Variants in ADAM22 observed in about 807,000 individuals in gnomAD.
ADAM22 encodes the protein ADAM metallopeptidase domain 22.
ADAM22 carries 65 observed loss-of-function variants against 144.6 expected under a neutral mutation model. That is an observed-to-expected ratio of 0.45 (90% CI 0.37 to 0.55). The LOEUF is 0.55. Ranked by LOEUF, ADAM22 falls within the 20% of genes least tolerant of loss-of-function variation. The probability of loss-of-function intolerance (pLI) is 0.00; values close to 1 mark genes in which losing one functional copy is unlikely to be tolerated. For missense variants in ADAM22, 974 were observed against 1,184.9 expected, an observed-to-expected ratio of 0.82 and a Z score of 2.61; for synonymous variants, 391 against 412.6, an observed-to-expected ratio of 0.95 and a Z score of 0.63.
intron 4 of ADAM22, among the ~76,000 whole-genome samples, chr7:88,099,934 C>G: frequency 6.6e-6 from 1 of 151,958 alleles, no homozygotes; most frequent in Non-Finnish European, 1.5e-5. Flanking sequence ...AAAAAATGAA[C>G]CTAACCACTA....
chr7:87,969,676 G>A (rs946947860), intron 2 of ADAM22, among the ~76,000 whole-genome samples: 2 of 152,134 alleles, frequency 1.3e-5, no homozygotes, highest in African/African-American at 4.8e-5. Context: ...TATTCCACTG[G>A]TAAATGGAAG....
At chr7:88,113,703 A>AATAAATAAATATGTAT (rs1554478726) in intron 5 of ADAM22, among the ~76,000 whole-genome samples, 1 of 48,106 alleles carries the variant, frequency 2.1e-5, no homozygotes, top group East Asian at 1.4e-3. Context: ...TAAATAAATA[A>AATAAATAAATATGTAT]ATATATATAT....
chr7:88,019,326 T>G (rs1268998217), intron 3 of ADAM22, among the ~76,000 whole-genome samples: 2 of 150,876 alleles, frequency 1.3e-5, no homozygotes, highest in Non-Finnish European at 3.0e-5. Context: ...ATACAAAAAA[T>G]TAGTTGGTCA....
intron 3 of ADAM22, among the ~76,000 whole-genome samples, chr7:88,064,581 T>A (rs1585374981): frequency 6.6e-6 from 1 of 152,138 alleles, no homozygotes; most frequent in Non-Finnish European, 1.5e-5. Context: ...CAGTGTCTGG[T>A]AAGGGGTCAT....
At chr7:88,024,076 C>T (rs1798437111) in intron 3 of ADAM22, among the ~76,000 whole-genome samples, 1 of 152,042 alleles carries the variant, frequency 6.6e-6, no homozygotes, top group Non-Finnish European at 1.5e-5. Context: ...ACCATATTTT[C>T]TTTATCCATT....
chr7:88,003,888 C>T (rs1232367634), intron 3 of ADAM22, among the ~76,000 whole-genome samples: 1 of 152,144 alleles, frequency 6.6e-6, no homozygotes, highest in African/African-American at 2.4e-5. Context: ...CTTGCTCTAC[C>T]GAGTCTCAAG....
rs1471819641 is a variant in ADAM22 at position 88,081,590 on chromosome 7, C to T, written c.390+5898C>T. 5.3e-5 allele frequency among the ~76,000 whole-genome samples: 8 copies of T among 150,046 alleles called. No homozygotes were observed. In the Admixed American group the frequency reaches 5.3e-4, roughly 10 times the overall value. ...ATGACATGATTGTATATCTAGAAAA[C>T]CCCATTGTCTCAGCCCAAAATCTCC... On this transcript the variant is annotated intron_variant, in intron 4 of 31. Transcript: ENST00000413139.
chr7:88,190,219 T>C (rs1160732053), intron 30 of ADAM22, among the ~76,000 whole-genome samples: 1 of 152,144 alleles, frequency 6.6e-6, no homozygotes. Flanking sequence ...GGGTATCCAT[T>C]ATGGTAATTA....
In ADAM22 at chr7:88,199,359, T is replaced by A. The variant is rs1850986856; in HGVS notation, c.*2868T>A. ...TTGATAAGACTACAGATTGGCACCC[T>A]GCTGCCTGAGAAGTTCCATTTATCC... On this transcript the variant is annotated 3_prime_UTR_variant, in exon 32 of 32. Coordinates refer to ENST00000413139, the MANE Select transcript of ADAM22 (RefSeq NM_001324418.2). 2.6e-5 allele frequency: 4 copies of A among 152,354 alleles called. No homozygotes were observed. The South Asian group carries it at 8.3e-4, about 32-fold the overall frequency. The allele number at this position is 152,354 out of a possible 1,614,324, so 9.4% of individuals were successfully genotyped here.
intron 20 of ADAM22, 26 bp downstream of exon 20, chr7:88,151,346 T>C (rs949924466): frequency 3.7e-6 from 6 of 1,612,872 alleles, no homozygotes; most frequent in East Asian, 4.5e-5. Context: ...GGCTTGATCA[T>C]TGTTAAAGCA....
intron 26 of ADAM22, among the ~76,000 whole-genome samples, chr7:88,173,573 AAGC>A (rs2129535198): frequency 6.6e-6 from 1 of 152,198 alleles, no homozygotes; most frequent in South Asian, 2.1e-4. Context: ...CAACAGACCA[AAGC>A]ATGCATTAAA....
At chr7:88,142,412 G>A (rs940582094) in intron 14 of ADAM22, among the ~76,000 whole-genome samples, 4 of 152,086 alleles carry the variant, frequency 2.6e-5, no homozygotes, top group Admixed American at 2.6e-4. Flanking sequence ...TTGGATTCTA[G>A]CTCAGTTTTA....
intron 7 of ADAM22, among the ~76,000 whole-genome samples, chr7:88,117,524 C>T (rs6955696): frequency 0.39 from 59,861 of 151,938 alleles, 13,786 homozygotes; most frequent in East Asian, 0.88. Context: ...ACTTTGCCCT[C>T]CTTAGTGGAG....
At chr7:87,998,637 C>T (rs1367214615) in intron 3 of ADAM22, among the ~76,000 whole-genome samples, 3 of 152,132 alleles carry the variant, frequency 2.0e-5, no homozygotes, top group Non-Finnish European at 4.4e-5. Flanking sequence ...AATCTGCCCA[C>T]GTTGGCCTCC....
At chr7:88,184,284 T>C in intron 29 of ADAM22, 1 of 398,700 alleles carries the variant, frequency 2.5e-6, no homozygotes, top group Non-Finnish European at 4.9e-6. Context: ...TATATTGTGT[T>C]TTTACAGGAG....
chr7:87,966,721 GTTTTT>G lies in ADAM22; in HGVS notation c.247-11588_247-11584del, dbSNP rs71120012. 5.3e-4 allele frequency among the ~76,000 whole-genome samples: 21 copies of G among 39,884 alleles called. No individual in the cohort carries two copies. In the East Asian group the frequency reaches 6.9e-3, roughly 13 times the overall value. The allele number at this position is 39,884 out of a possible 152,430, so 26.2% of individuals were successfully genotyped here. ...GAGTTCATCTTATCCAAGGAAAGCCGTTTTTTTTTTTTTTTTTTTTTTTTTTTTTT... is the reference window on the plus strand; with the variant it reads ...GAGTTCATCTTATCCAAGGAAAGCCGTTTTTTTTTTTTTTTTTTTTTTTTT... On this transcript the variant is annotated intron_variant, in intron 2 of 31. Coordinates refer to ENST00000413139, the MANE Select transcript of ADAM22 (RefSeq NM_001324418.2).
intron 3 of ADAM22, among the ~76,000 whole-genome samples, chr7:87,993,414 A>G (rs1790370725): frequency 6.6e-6 from 1 of 152,212 alleles, no homozygotes; most frequent in African/African-American, 2.4e-5. Flanking sequence ...CATTTTAGTA[A>G]CTTATGCTGT....
At chr7:88,192,994 A>T (rs1033649911) in intron 30 of ADAM22, 122 bp from the exon 31 acceptor site, 5 of 1,166,694 alleles carry the variant, frequency 4.3e-6, no homozygotes, top group Non-Finnish European at 6.0e-6. Flanking sequence ...CAGTAGTTAA[A>T]TCTTTGCAGT....
intron 2 of ADAM22, among the ~76,000 whole-genome samples, chr7:87,954,209 C>T (rs1043484645): frequency 3.8e-4 from 57 of 151,170 alleles, no homozygotes; most frequent in African/African-American, 1.2e-3. Flanking sequence ...TTATTTTGCT[C>T]GTTAGTTGAT....
Sources: allele counts gnomAD v4.1 joint callset (sites outside exome capture counted in the v4.1 genomes callset), GRCh38; gene constraint gnomAD v4.1.1; transcripts MANE v1.5; gene names NCBI Gene and HGNC (gene_info 2026-07-23, HGNC 2026-07-21).